The following F13A1 variants were observed in gnomAD, a reference collection of about 807,000 sequenced individuals.
F13A1 encodes the protein coagulation factor XIII A chain.
F13A1 carries 47 observed loss-of-function variants against 80.1 expected under a neutral mutation model. That is an observed-to-expected ratio of 0.59 (90% confidence interval 0.46 to 0.75). The LOEUF (loss-of-function observed/expected upper bound fraction) is 0.75. F13A1 is among the 30% of genes least tolerant of loss of function. F13A1 has a pLI of 0.00. For synonymous variants in F13A1, 349 were observed against 344.9 expected (o/e 1.01, Z -0.13); for missense variants, 817 against 930.4 (o/e 0.88, Z 1.59).
At position 6,224,685 on chromosome 6, in the gene F13A1, C is replaced by T; in HGVS notation, c.973+1G>A. The T allele has an allele frequency of 2.5e-6, 4 of 1,613,648 alleles. No homozygotes were observed. The highest frequency in any genetic ancestry group is 3.4e-6 in the Non-Finnish European group (4 of 1,179,600). ...AAGAAATTACTCAGTTGGATACTTA[C>T]ATGTGTTAAAGACACCAGCAAAAAC... is the stretch of plus-strand genomic sequence containing the variant. On this transcript the variant is annotated splice_donor_variant, in intron 7 of 14. Transcript: ENST00000264870. LOFTEE classifies it high-confidence loss of function.
intron 3 of F13A1, among the ~76,000 whole-genome samples, chr6:6,268,687 A>ATTT (rs71540894): frequency 7.3e-6 from 1 of 137,364 alleles, no homozygotes; most frequent in Non-Finnish European, 1.6e-5. Flanking sequence ...GGGGGCACTC[A>ATTT]TTTTTTTTTT....
intron 2 of F13A1, 81 bp downstream of exon 2, chr6:6,318,454 G>A: frequency 6.7e-7 from 1 of 1,497,014 alleles, no homozygotes; most frequent in South Asian, 1.3e-5. Flanking sequence ...GGAGACAGAG[G>A]ATGTTTACCT....
intron 12 of F13A1, among the ~76,000 whole-genome samples, chr6:6,171,515 C>T (rs773257822): frequency 2.6e-5 from 4 of 152,184 alleles, no homozygotes; most frequent in Non-Finnish European, 5.9e-5. Flanking sequence ...CCAGATCGGA[C>T]TGGTTCTCGC....
At chr6:6,313,338 A>G (rs966955208) in intron 2 of F13A1, among the ~76,000 whole-genome samples, 1 of 150,188 alleles carries the variant, frequency 6.7e-6, no homozygotes, top group Non-Finnish European at 1.5e-5. Context: ...TCGCTCTTTC[A>G]AAGTGACAGC....
intron 3 of F13A1, among the ~76,000 whole-genome samples, chr6:6,273,438 CTTT>C (rs1443776114): frequency 6.6e-6 from 1 of 152,108 alleles, no homozygotes. Flanking sequence ...AAGAAAGAAA[CTTT>C]TTTATTTCTA....
At chr6:6,224,029 G>C (rs765053924) in intron 7 of F13A1, among the ~76,000 whole-genome samples, 10 of 152,282 alleles carry the variant, frequency 6.6e-5, no homozygotes, top group Middle Eastern at 3.4e-3. Context: ...TCTGAAAAAT[G>C]ATGCATGACA....
intron 2 of F13A1, among the ~76,000 whole-genome samples, chr6:6,308,460 G>T (rs1454376216): frequency 2.1e-5 from 2 of 95,766 alleles, no homozygotes; most frequent in African/African-American, 8.7e-5. Context: ...TGGTTTTTCT[G>T]TAAAAAAAAA....
chr6:6,221,553 C>T (rs562430814), intron 8 of F13A1, among the ~76,000 whole-genome samples: 6 of 152,264 alleles, frequency 3.9e-5, no homozygotes, highest in African/African-American at 7.2e-5. Flanking sequence ...CCTCAGTTTC[C>T]TCATTTGTAA....
At chr6:6,229,955 C>T (rs535211880) in intron 6 of F13A1, among the ~76,000 whole-genome samples, 1 of 152,224 alleles carries the variant, frequency 6.6e-6, no homozygotes, top group East Asian at 1.9e-4. Flanking sequence ...CTTGCTAGGT[C>T]CCCTAGCAGG....
chr6:6,245,205 T>C (rs1181471447), intron 6 of F13A1, among the ~76,000 whole-genome samples: 1 of 152,204 alleles, frequency 6.6e-6, no homozygotes, highest in Non-Finnish European at 1.5e-5. Flanking sequence ...ATAAATATAC[T>C]GAACAATAAA....
At chr6:6,267,723 C>T (rs572059636) in intron 3 of F13A1, among the ~76,000 whole-genome samples, 9 of 149,940 alleles carry the variant, frequency 6.0e-5, no homozygotes, top group East Asian at 2.0e-4. Context: ...TAAAAATCTA[C>T]GTGTTAATGA....
Position 6,195,835 on chromosome 6 carries a change from C to T in F13A1, c.1267G>A (p.Val423Ile). Reference sequence around the variant, plus strand: ...AAAGGTGCATCAAATTGGAAGCAGACATGGCCGTGCTTGATGGCTTGAACC... The same window carrying T: ...AAAGGTGCATCAAATTGGAAGCAGATATGGCCGTGCTTGATGGCTTGAACC... ...ASVQAIKHGH[V>I]CFQFDAPFVF... is the part of the protein sequence containing the mutation. The change falls in exon 10 of 15, where the codon GTC (valine) becomes ATC (isoleucine). Residue 423 changes from valine (V) to isoleucine (I), a missense_variant. By Grantham distance (29) the Val-to-Ile change is conservative (BLOSUM62 3). Transcript: ENST00000264870. 6.2e-7 allele frequency: 1 copy of T among 1,614,204 alleles called. No homozygotes were observed. Among genetic ancestry groups the T allele is most frequent in the Non-Finnish European group, 8.5e-7 (1 of 1,180,028 alleles).
At chr6:6,318,753 C>G in intron 1 of F13A1, 71 bp from the exon 2 acceptor site, 2 of 1,510,362 alleles carry the variant, frequency 1.3e-6, no homozygotes, top group African/African-American at 2.8e-5. Context: ...GACAAGGATT[C>G]CAAAATAGAG....
rs1054718357 is a variant in F13A1, at chr6:6,243,864, G to T, written c.798+4448C>A. ...AGGTGGTACATGTAGGTGTGTCACA[G>T]TGAATAACGAGCCTTTATCTGCAGT... On this transcript the variant is annotated intron_variant, in intron 6 of 14. Coordinates refer to ENST00000264870, the MANE Select transcript of F13A1 (RefSeq NM_000129.4). This position sits in a 1 kb window ranked among gnomAD's most constrained non-coding sequence, Gnocchi z 4.2. 2.6e-5 allele frequency among the ~76,000 whole-genome samples: 4 copies of T among 152,250 alleles called. No individual in the cohort carries two copies. The highest frequency in any genetic ancestry group is 5.9e-5 in the Non-Finnish European group (4 of 68,054).
At chr6:6,159,026 C>A (rs1278273750) in intron 13 of F13A1, among the ~76,000 whole-genome samples, 1 of 151,670 alleles carries the variant, frequency 6.6e-6, no homozygotes, top group Non-Finnish European at 1.5e-5. Context: ...CTCAGCCTCC[C>A]GAGTAGCAGG....
chr6:6,257,886 GAA>G (rs1191791174), intron 4 of F13A1, among the ~76,000 whole-genome samples: 7 of 152,192 alleles, frequency 4.6e-5, no homozygotes, highest in Non-Finnish European at 7.3e-5. Flanking sequence ...ATTCTACAAA[GAA>G]AATGTCAGAG....
chr6:6,210,768 C>A (rs1761593289), intron 8 of F13A1, among the ~76,000 whole-genome samples: 1 of 151,854 alleles, frequency 6.6e-6, no homozygotes, highest in African/African-American at 2.4e-5. Context: ...CTCTGTCACC[C>A]AGGCTAGAGG....
Position 6,248,408 on chromosome 6 carries a change from G to T in F13A1, c.702C>A (p.Gly234=), listed in dbSNP as rs1159871246. Residue 234 remains glycine (G), a synonymous_variant, in exon 6 of 15, where the codon GGC becomes GGA. Coordinates refer to ENST00000264870, the MANE Select transcript of F13A1 (RefSeq NM_000129.4). ...RSWSYGQFED[G]ILDTCLYVMD... The stretch of plus-strand genomic sequence containing the variant: ...TCACATACAGGCAAGTGTCCAGGAT[G>T]CCATCTTCAAACTATTTGGAGAAAG... The T allele has an allele frequency of 7.4e-6, 12 of 1,613,230 alleles. No individual in the cohort carries two copies. The highest frequency in any genetic ancestry group is 8.5e-6 in the Non-Finnish European group (10 of 1,179,596).
At chr6:6,259,451 A>C (rs1757748317) in intron 4 of F13A1, among the ~76,000 whole-genome samples, 1 of 152,226 alleles carries the variant, frequency 6.6e-6, no homozygotes, top group Admixed American at 6.5e-5. Flanking sequence ...TCTTCATATT[A>C]AATTAAATTG....
Sources: gnomAD v4.1 joint callset for allele counts (sites outside exome capture counted in the v4.1 genomes callset) on GRCh38, gnomAD v4.1.1 for gene constraint, Gnocchi (gnomAD v3.1) non-coding constraint, MANE v1.5 for transcripts, NCBI Gene and HGNC (gene_info 2026-07-23, HGNC 2026-07-21) for gene names.